PRDM5: variants seen among roughly 807,000 people sequenced by gnomAD.
PRDM5 encodes the protein PR domain zinc finger protein 5.
A neutral mutation model predicts 81.2 loss-of-function variants in PRDM5; 56 were observed. The ratio of observed to expected loss-of-function variants is 0.69; its 90% CI spans 0.56 to 0.86. The LOEUF is 0.86. PRDM5 is among the 40% of genes least tolerant of loss of function. The probability of loss-of-function intolerance (pLI) is 0.00; values close to 1 mark genes in which losing one functional copy is unlikely to be tolerated. For missense variants in PRDM5, 697 were observed against 770.1 expected (o/e 0.91, Z 1.12); for synonymous variants, 267 against 256.4 (o/e 1.04, Z -0.39).
intron 7 of PRDM5, chr4:120,812,729 C>G (rs766275800): frequency 2.7e-6 from 1 of 368,110 alleles, no homozygotes; most frequent in African/African-American, 2.2e-5. Context: ...TAAATGCTTT[C>G]TTTTTAAATT....
Position 120,771,378 on chromosome 4 carries a change from A to G in PRDM5, c.1537+5810T>C, listed in dbSNP as rs532231642. On this transcript the variant is annotated intron_variant, in intron 13 of 15. Coordinates refer to ENST00000264808, the MANE Select transcript of PRDM5 (RefSeq NM_018699.4). ...GTTACTATGATTTAATTTCAAGGAAAAAATTGGTGGGACATACACAGTTCA... is the reference window on the plus strand; with the variant it reads ...GTTACTATGATTTAATTTCAAGGAAGAAATTGGTGGGACATACACAGTTCA... 7.2e-5 allele frequency among the ~76,000 whole-genome samples: 11 copies of G among 152,286 alleles called. No individual in the cohort carries two copies. In the South Asian group the frequency reaches 1.7e-3, roughly 23 times the overall value.
intron 10 of PRDM5, among the ~76,000 whole-genome samples, chr4:120,786,680 T>C (rs1363551814): frequency 6.6e-6 from 1 of 152,196 alleles, no homozygotes; most frequent in Admixed American, 6.5e-5. Context: ...CTTTTGAGTC[T>C]GGAAAGGCTT....
chr4:120,690,014 C>T (rs1162266295), downstream of PRDM5, among the ~76,000 whole-genome samples: 1 of 152,026 alleles, frequency 6.6e-6, no homozygotes, highest in Non-Finnish European at 1.5e-5. Flanking sequence ...CACATTGCTC[C>T]CCATCTCCAT....
rs1379945596 is a variant in PRDM5, at chr4:120,684,928, T to TC, written n.200dup. Reference sequence around the variant, plus strand: ...ATAGGATGTCATTTTACCTTTTTCTTCCCCCAAAATATCAGCTGAAGTTAG... The same window carrying TC: ...ATAGGATGTCATTTTACCTTTTTCTTCCCCCCAAAATATCAGCTGAAGTTAG... On this transcript the variant is annotated non_coding_transcript_exon_variant, in exon 2 of 2. Coordinates refer to the PRDM5 transcript ENST00000513741. The TC allele has an allele frequency of 2.0e-5, 3 of 151,946 alleles. No homozygotes were observed. In the East Asian group the frequency reaches 5.8e-4, roughly 29 times the overall value. 9.4% of individuals were successfully genotyped at this position (151,946 alleles called of 1,614,324 possible).
At chr4:120,887,446 C>T (rs1396917218) in intron 2 of PRDM5, among the ~76,000 whole-genome samples, 7 of 152,152 alleles carry the variant, frequency 4.6e-5, no homozygotes, top group Non-Finnish European at 7.3e-5. Flanking sequence ...CTGTTCTCCA[C>T]GAGGCAGACA....
intron 8 of PRDM5, among the ~76,000 whole-genome samples, chr4:120,806,057 G>A (rs1221003050): frequency 6.6e-6 from 1 of 152,034 alleles, no homozygotes; most frequent in African/African-American, 2.4e-5. Flanking sequence ...ACCAATAACA[G>A]AAAAACAGAG....
intron 7 of PRDM5, chr4:120,815,946 CA>C (rs1754431940): frequency 5.4e-6 from 1 of 185,628 alleles, no homozygotes; most frequent in Non-Finnish European, 1.1e-5. Flanking sequence ...AGCTAGCTAT[CA>C]GATGGAATTC....
At chr4:120,765,963 C>CTT (rs375991850) in intron 13 of PRDM5, among the ~76,000 whole-genome samples, 7 of 138,136 alleles carry the variant, frequency 5.1e-5, no homozygotes, top group South Asian at 2.3e-4. Context: ...TTTTTTCTTT[C>CTT]TTTTTTTTTT....
intron 8 of PRDM5, among the ~76,000 whole-genome samples, chr4:120,804,371 C>A (rs1752599112): frequency 6.6e-6 from 1 of 151,810 alleles, no homozygotes. Flanking sequence ...CTACAGAACT[C>A]TCCACCCCAA....
At chr4:120,816,400 G>C in intron 7 of PRDM5, 53 bp downstream of exon 7, 1 of 1,613,778 alleles carries the variant, frequency 6.2e-7, no homozygotes, top group Non-Finnish European at 8.5e-7. Flanking sequence ...ACAGATCGCT[G>C]CAGCCTGGGG....
At chr4:120,754,739 C>T (rs917951956) in intron 13 of PRDM5, 101 bp from the exon 14 acceptor site, 2 of 815,336 alleles carry the variant, frequency 2.5e-6, no homozygotes, top group East Asian at 2.5e-5. Flanking sequence ...ACCGCATATG[C>T]CCTGTGCTAC....
At chr4:120,793,494 T>C (rs1750884251) in intron 10 of PRDM5, among the ~76,000 whole-genome samples, 1 of 152,160 alleles carries the variant, frequency 6.6e-6, no homozygotes, top group Admixed American at 6.5e-5. Flanking sequence ...CCAACACTGG[T>C]CCATGGAAAA....
intron 3 of PRDM5, among the ~76,000 whole-genome samples, chr4:120,833,319 A>C (rs1756939977): frequency 6.6e-6 from 1 of 151,956 alleles, no homozygotes; most frequent in African/African-American, 2.4e-5. Context: ...TGTAGATGTT[A>C]CCCATTCATT....
chr4:120,731,634 G>T (rs1041764980), intron 14 of PRDM5: 1 of 152,146 alleles, frequency 6.6e-6, no homozygotes, highest in Non-Finnish European at 1.5e-5. Flanking sequence ...GTGTGGTCAT[G>T]TGGAAGTTGG....
intron 1 of PRDM5, among the ~76,000 whole-genome samples, chr4:120,908,323 T>C (rs1485287538): frequency 1.3e-5 from 2 of 152,208 alleles, no homozygotes; most frequent in Non-Finnish European, 2.9e-5. Flanking sequence ...ACCAGACATT[T>C]TGTTGAAATG....
At chr4:120,835,709 T>C (rs1342326102) in intron 3 of PRDM5, among the ~76,000 whole-genome samples, 1 of 152,188 alleles carries the variant, frequency 6.6e-6, no homozygotes, top group Non-Finnish European at 1.5e-5. Flanking sequence ...ACCTCTTTTT[T>C]TTCCCAGTCT....
At position 120,823,621 on chromosome 4, in the gene PRDM5, T is replaced by C. The variant is rs1426548846; in HGVS notation, c.301-2276A>G. ...ACACTGCACTAATTTTTGATCATCC[T>C]ACAAATCCTGCAACTCTTCATGGTG... is the stretch of plus-strand genomic sequence containing the variant. On this transcript the variant is annotated intron_variant, in intron 3 of 15. Transcript: ENST00000264808. Among the ~76,000 whole-genome samples the C allele has an allele frequency of 2.6e-5, 4 of 152,202 alleles. No individual in the cohort carries two copies. In the East Asian group the frequency reaches 7.7e-4, roughly 29 times the overall value.
At chr4:120,684,979 G>A (rs189951503) in exon 2 of PRDM5, 5 of 151,616 alleles carry the variant, frequency 3.3e-5, no homozygotes, top group South Asian at 2.1e-4. Flanking sequence ...GACAAATTTC[G>A]GTTTCTTAAT....
intron 14 of PRDM5, among the ~76,000 whole-genome samples, chr4:120,753,529 C>T (rs1346048158): frequency 1.3e-5 from 2 of 152,022 alleles, no homozygotes; most frequent in Non-Finnish European, 2.9e-5. Context: ...CAGAGGATAG[C>T]TTTTACGTGC....
Sources: allele counts gnomAD v4.1 joint callset (sites outside exome capture counted in the v4.1 genomes callset), GRCh38; gene constraint gnomAD v4.1.1; transcripts MANE v1.5; gene names NCBI Gene and HGNC (gene_info 2026-07-23, HGNC 2026-07-21).